The following PPFIA4 variants were observed in gnomAD, a reference collection of about 807,000 sequenced individuals.
PPFIA4 encodes PPFI scaffold protein A4, also known as liprin-alpha-4.
In PPFIA4, 98 loss-of-function variants were observed where a neutral mutation model predicts 145.7. The observed-to-expected ratio is 0.67, with a 90% CI of 0.57 to 0.80. The LOEUF (loss-of-function observed/expected upper bound fraction) is 0.80. PPFIA4 is among the 30% of genes least tolerant of loss of function. The pLI, the probability that PPFIA4 is intolerant of heterozygous loss-of-function variation, is 0.00. For missense variants in PPFIA4, 1,457 were observed against 1,632.7 expected (o/e 0.89, Z 1.85); for synonymous variants, 628 against 649.6 (o/e 0.97, Z 0.51).
At chr1:203,065,200 T>G (rs1267396407) in intron 25 of PPFIA4, among the ~76,000 whole-genome samples, 1 of 152,170 alleles carries the variant, frequency 6.6e-6, no homozygotes, top group African/African-American at 2.4e-5. Flanking sequence ...GTACGCTGAC[T>G]CAAGTCCAGT....
intron 28 of PPFIA4, among the ~76,000 whole-genome samples, chr1:203,074,051 T>C (rs66681392): frequency 2.0e-5 from 3 of 151,870 alleles, no homozygotes; most frequent in Admixed American, 6.5e-5. Context: ...CCATGGAGCA[T>C]AGAATTTGAG....
In PPFIA4 at chr1:203,075,631, C is replaced by T; in HGVS notation, c.3448C>T (p.Arg1150Trp). ...CTCCTGGAGGAAGCGCTTCCGGCCG[C>T]GGGAGCACCACGGTCGCGGCGGCAT... ...APSWRKRFRP[R>W]EHHGRGGMLS... Residue 1150 changes from arginine to tryptophan, a missense_variant, in exon 29 of 30, where the codon CGG becomes TGG. By Grantham distance (101) the Arg-to-Trp change is moderately radical. This residue lies in a region of PPFIA4 where 146 missense variants were observed against 126.2 expected (regional missense o/e 1.16). Coordinates refer to ENST00000295706, the MANE Select transcript of PPFIA4 (RefSeq NM_001304331.2). This position sits in a 1 kb window ranked among gnomAD's most constrained non-coding sequence, Gnocchi z 4.1. 4 of 1,487,894 alleles carry T rather than the reference C, an allele frequency of 2.7e-6. No individual in the cohort carries two copies. Among genetic ancestry groups the T allele is most frequent in the African/African-American group, 1.5e-5 (1 of 68,554 alleles). The allele number at this position is 1,487,894 out of a possible 1,614,324, so 92.2% of individuals were successfully genotyped here. A position where few individuals can be genotyped will look rare whatever the true frequency, so the allele number is the denominator to read the frequency against.
chr1:203,032,080 G>C (rs1256290090), intron 1 of PPFIA4, among the ~76,000 whole-genome samples: 1 of 147,412 alleles, frequency 6.8e-6, no homozygotes, highest in Non-Finnish European at 1.5e-5. Flanking sequence ...GTTTTAGCAG[G>C]GGGCTTCTGT....
Position 203,049,619 on chromosome 1 carries a change from C to T in PPFIA4, c.1420-57C>T, listed in dbSNP as rs1422777433. On this transcript the variant is annotated intron_variant, in intron 12 of 29. Transcript: ENST00000295706. Reference sequence around the variant, plus strand: ...TTGTCCCTCTCTGACTCCCACCCTCCCTCTCTGCCCCTCCCTGGCCCCCAC... The same window carrying T: ...TTGTCCCTCTCTGACTCCCACCCTCTCTCTCTGCCCCTCCCTGGCCCCCAC... 17 of 1,301,660 alleles carry T rather than the reference C, an allele frequency of 1.3e-5. No individual in the cohort carries two copies. In the South Asian group the frequency reaches 2.1e-4, roughly 16 times the overall value. The allele number at this position is 1,301,660 out of a possible 1,614,324, so 80.6% of individuals were successfully genotyped here.
chr1:203,065,806 C>T (rs1221575499), intron 25 of PPFIA4, among the ~76,000 whole-genome samples: 5 of 152,236 alleles, frequency 3.3e-5, no homozygotes, highest in Non-Finnish European at 7.3e-5. Flanking sequence ...GGTCACCCAG[C>T]CAGGTGATTA....
rs769017101 is a variant in PPFIA4 at position 203,056,821 on chromosome 1, A to C, written c.2278A>C (p.Asn760His). The C allele has an allele frequency of 6.2e-7, 1 of 1,613,756 alleles. No homozygotes were observed. Among genetic ancestry groups the C allele is most frequent in the South Asian group, 1.1e-5 (1 of 91,018 alleles). Residue 760 changes from asparagine (N) to histidine (H), a missense_variant, in exon 19 of 30, where the codon AAC (asparagine) becomes CAC (histidine). By Grantham distance (68) the Asn-to-His change is moderately conservative. Transcript: ENST00000295706. ...EDQGSNPSSS[N>H]SSQDSLHKGA... Reference sequence around the variant, plus strand: ...TCAGGGCAGCAACCCCAGCAGCAGCAACAGCAGCCAGGACTCCCTGCACAA... The same window carrying C: ...TCAGGGCAGCAACCCCAGCAGCAGCCACAGCAGCCAGGACTCCCTGCACAA...
Position 203,043,532 on chromosome 1 carries a change from ACG to A in PPFIA4, c.336+35_336+36del. The stretch of plus-strand genomic sequence containing the variant: ...GGATGACCTTGTGTCGCGCGCGCGC[ACG>A]TGTGTGTGTGTGTGTATGGGGGTGT... On this transcript the variant is annotated intron_variant, in intron 3 of 29. Coordinates refer to ENST00000295706, the MANE Select transcript of PPFIA4 (RefSeq NM_001304331.2). The surrounding 1 kb of genome is among the most constrained non-coding windows in gnomAD (Gnocchi z 4.4). 1.3e-6 allele frequency: 2 copies of A among 1,539,968 alleles called. No homozygotes were observed. The highest frequency in any genetic ancestry group is 1.8e-6 in the Non-Finnish European group (2 of 1,130,370).
intron 19 of PPFIA4, among the ~76,000 whole-genome samples, chr1:203,058,018 A>G (rs1006271538): frequency 4.6e-5 from 7 of 152,182 alleles, no homozygotes; most frequent in African/African-American, 1.7e-4. Context: ...GGCTGGGGCC[A>G]GCTGTGAGGG....
At chr1:203,059,351 T>C (rs1661204836) in intron 20 of PPFIA4, 80 bp downstream of exon 20, 1 of 1,250,956 alleles carries the variant, frequency 8.0e-7, no homozygotes, top group African/African-American at 1.5e-5. Context: ...GCTGTGAAAC[T>C]GAGCTCAGAG....
At chr1:203,030,934 T>C (rs1034765246) in intron 1 of PPFIA4, among the ~76,000 whole-genome samples, 28 of 148,576 alleles carry the variant, frequency 1.9e-4, no homozygotes, top group African/African-American at 6.7e-4. Flanking sequence ...GATGTACTTA[T>C]GACCACACAC....
chr1:203,062,844 TAGTC>T (rs1017525700), intron 24 of PPFIA4: 4 of 152,248 alleles, frequency 2.6e-5, no homozygotes, highest in African/African-American at 4.8e-5. Flanking sequence ...ACCAAAGGAA[TAGTC>T]AGAAAACTCA....
intron 1 of PPFIA4, among the ~76,000 whole-genome samples, chr1:203,032,655 T>C (rs782796): frequency 0.76 from 112,032 of 147,238 alleles, 42,860 homozygotes; most frequent in Admixed American, 0.8. Flanking sequence ...ACCATGTTGC[T>C]TAGGCTGGTC....
chr1:203,076,787 G>T lies in PPFIA4; in HGVS notation c.*397G>T. The T allele has an allele frequency of 4.1e-6, 1 of 246,352 alleles. No individual in the cohort carries two copies. The highest frequency in any genetic ancestry group is 7.9e-6 in the Non-Finnish European group (1 of 126,442). 15.3% of individuals were successfully genotyped at this position (246,352 alleles called of 1,614,324 possible). ...AGGCTGGGATGGTCCTTCCAAGAAA[G>T]GGTCATTTCAGACGCAGCCCTGCTT... On this transcript the variant is annotated 3_prime_UTR_variant, in exon 30 of 30. Coordinates refer to ENST00000295706, the MANE Select transcript of PPFIA4 (RefSeq NM_001304331.2).
At position 203,044,681 on chromosome 1, in the gene PPFIA4, G is replaced by T. The variant is rs563572204; in HGVS notation, c.577-15G>T. ...CTTCTCTTTGACTCATTGCCCTGGG[G>T]CTTGTGCCCTACAGGTGTCTGCCCT... On this transcript the variant is annotated splice_polypyrimidine_tract_variant and intron_variant, in intron 5 of 29. Transcript: ENST00000295706. The T allele has an allele frequency of 3.2e-6, 5 of 1,546,714 alleles. No homozygotes were observed. The African/African-American group carries it at 6.8e-5, about 21-fold the overall frequency.
chr1:203,034,363 C>T, intron 1 of PPFIA4: 1 of 438,680 alleles, frequency 2.3e-6, no homozygotes, highest in Non-Finnish European at 4.5e-6. Context: ...GGCTGGATTT[C>T]TGGAGGAGAG....
intron 2 of PPFIA4, among the ~76,000 whole-genome samples, chr1:203,041,421 A>C (rs1163128118): frequency 6.6e-6 from 1 of 152,188 alleles, no homozygotes; most frequent in African/African-American, 2.4e-5. Flanking sequence ...GCAAAACCTC[A>C]TCTCTACAAA....
intron 23 of PPFIA4, 174 bp from the exon 24 acceptor site, chr1:203,061,478 A>G (rs897594792): frequency 3.3e-6 from 2 of 612,346 alleles, no homozygotes; most frequent in Non-Finnish European, 5.5e-6. Context: ...CAACGCAAAC[A>G]TGGGTGCACA....
rs1284417546 is a variant in PPFIA4 at position 203,044,833 on chromosome 1, G to C, written c.666+48G>C. 8 of 1,524,654 alleles carry C rather than the reference G, an allele frequency of 5.2e-6. No individual in the cohort carries two copies. The African/African-American group carries it at 5.5e-5, about 11-fold the overall frequency. The allele number at this position is 1,524,654 out of a possible 1,614,324, so 94.4% of individuals were successfully genotyped here. ...GCAGGGGTCATGTGTTCCCCAAGGTGGGAGGTTGGAGGCCCGGCTCTGCCT... is the reference window on the plus strand; with the variant it reads ...GCAGGGGTCATGTGTTCCCCAAGGTCGGAGGTTGGAGGCCCGGCTCTGCCT... On this transcript the variant is annotated intron_variant, in intron 6 of 29. Coordinates refer to ENST00000295706, the MANE Select transcript of PPFIA4 (RefSeq NM_001304331.2).
chr1:203,067,845 C>T, intron 26 of PPFIA4, 53 bp downstream of exon 26: 1 of 1,519,298 alleles, frequency 6.6e-7, no homozygotes. Context: ...TGGCTGGTCC[C>T]TGCCTTGGGC....
Sources: gnomAD v4.1 joint callset for allele counts (sites outside exome capture counted in the v4.1 genomes callset) on GRCh38, gnomAD v4.1.1 for gene constraint, gnomAD v4.1.1 regional missense constraint, Gnocchi (gnomAD v3.1) non-coding constraint, MANE v1.5 for transcripts, NCBI Gene and HGNC (gene_info 2026-07-23, HGNC 2026-07-21) for gene names.